PRDM7: variants seen among roughly 807,000 people sequenced by gnomAD.
PRDM7 encodes histone-lysine N-methyltransferase PRDM7.
PRDM7 carries 52 observed loss-of-function variants against 64.3 expected under a neutral mutation model. The ratio of observed to expected loss-of-function variants is 0.81; its 90% CI spans 0.65 to 1.02. The LOEUF (loss-of-function observed/expected upper bound fraction) is 1.02. Among genes scored for constraint, PRDM7 ranks in the 50% least tolerant of loss-of-function variants. PRDM7 has a pLI of 0.00. For missense variants in PRDM7, 574 were observed against 597.1 expected (o/e 0.96, Z 0.40); for synonymous variants, 192 against 210.1 (o/e 0.91, Z 0.74).
At chr16:90,076,549 T>C (rs2038038565) in intron 1 of PRDM7, among the ~76,000 whole-genome samples, 1 of 152,030 alleles carries the variant, frequency 6.6e-6, no homozygotes, top group Non-Finnish European at 1.5e-5. Context: ...TGTCTTAGAC[T>C]GAAGAAATTG....
chr16:90,068,894 T>C (rs1370264364), intron 4 of PRDM7, among the ~76,000 whole-genome samples: 2 of 151,248 alleles, frequency 1.3e-5, no homozygotes, highest in African/African-American at 4.9e-5. Flanking sequence ...CATCCTGTGT[T>C]CGTGGATTTG....
intron 5 of PRDM7, among the ~76,000 whole-genome samples, chr16:90,064,209 A>T (rs2037832601): frequency 6.6e-6 from 1 of 152,238 alleles, no homozygotes; most frequent in South Asian, 2.1e-4. Flanking sequence ...GAACAAAGAG[A>T]TGATTGGCAA....
chr16:90,058,384 G>A lies in PRDM7; in HGVS notation c.1384C>T (p.Gln462Ter), dbSNP rs1405998078. 3 of 1,614,054 alleles carry A rather than the reference G, an allele frequency of 1.9e-6. No homozygotes were observed. The highest frequency in any genetic ancestry group is 2.2e-5 in the South Asian group (2 of 91,088). The change falls in exon 11 of 11, where the codon CAG (glutamine) becomes TAG (stop). Residue 462 changes from glutamine (Q) to a stop codon, truncating the protein, a stop_gained. Coordinates refer to ENST00000449207, the MANE Select transcript of PRDM7 (RefSeq NM_001098173.2). LOFTEE classifies it high-confidence loss of function. Reference protein sequence around the residue: ...ENFSNQRIPAQGIRIRSGNIL... With the variant: ...ENFSNQRIPA The stretch of plus-strand genomic sequence containing the variant: ...TTGCCGCTCCTGATTCTGATCCCCT[G>A]GGCAGGGATTCTCTGGTTGGAGAAG...
intron 9 of PRDM7, among the ~76,000 whole-genome samples, chr16:90,061,019 A>C (rs1299232505): frequency 6.6e-6 from 1 of 152,188 alleles, no homozygotes; most frequent in Non-Finnish European, 1.5e-5. Context: ...TCTTGGCCCA[A>C]TAACATAGAA....
rs899744489 is a variant in PRDM7, at chr16:90,058,031, T to TC, written c.*257dup. ...CCACACTCTCTGCAGACGTAGGGCTTCCCCCCTGTGTGTGTCCTTTGGTGT... is the reference window on the plus strand; with the variant it reads ...CCACACTCTCTGCAGACGTAGGGCTTCCCCCCCTGTGTGTGTCCTTTGGTGT... On this transcript the variant is annotated 3_prime_UTR_variant, in exon 11 of 11. Coordinates refer to ENST00000449207, the MANE Select transcript of PRDM7 (RefSeq NM_001098173.2). 3 of 1,610,772 alleles carry TC rather than the reference T, an allele frequency of 1.9e-6. No individual in the cohort carries two copies. Among genetic ancestry groups the TC allele is most frequent in the African/African-American group, 2.7e-5 (2 of 74,810 alleles).
At chr16:90,066,168 G>C (rs2037869607) in intron 5 of PRDM7, among the ~76,000 whole-genome samples, 1 of 151,302 alleles carries the variant, frequency 6.6e-6, no homozygotes, top group Non-Finnish European at 1.5e-5. Context: ...CTTATTTGTT[G>C]TTTCTCAATC....
intron 4 of PRDM7, among the ~76,000 whole-genome samples, chr16:90,074,525 G>A (rs1240566765): frequency 6.6e-6 from 1 of 151,012 alleles, no homozygotes; most frequent in Non-Finnish European, 1.5e-5. Context: ...GCAGTGAGCC[G>A]AGATTCTACC....
chr16:90,057,914 A>G lies in PRDM7; in HGVS notation c.*375T>C. 2.5e-6 allele frequency: 4 copies of G among 1,572,080 alleles called. No homozygotes were observed. The South Asian group carries it at 4.4e-5, about 17-fold the overall frequency. ...AATGAGGAGGACTGACTTCCGGCTA[A>G]AGCCCCGCTCACACTCTCTGCAGAC... On this transcript the variant is annotated 3_prime_UTR_variant, in exon 11 of 11. Transcript: ENST00000449207.
Position 90,066,396 on chromosome 16 carries a change from G to C in PRDM7, c.351+465C>G, listed in dbSNP as rs1162392209. On this transcript the variant is annotated intron_variant, in intron 5 of 10. Coordinates refer to ENST00000449207, the MANE Select transcript of PRDM7 (RefSeq NM_001098173.2). Reference sequence around the variant, plus strand: ...AAATCAATTGGACGAATGATGTAAAGACATATGGGTAAGACAGCATAAACT... The same window carrying C: ...AAATCAATTGGACGAATGATGTAAACACATATGGGTAAGACAGCATAAACT... Among the ~76,000 whole-genome samples, 14 of 151,248 alleles carry C rather than the reference G, an allele frequency of 9.3e-5. 2 individuals carry two copies. The highest frequency in any genetic ancestry group is 3.4e-4 in the African/African-American group (14 of 40,666).
At chr16:90,064,871 A>G (rs1410029780) in intron 5 of PRDM7, among the ~76,000 whole-genome samples, 1 of 150,200 alleles carries the variant, frequency 6.7e-6, no homozygotes, top group Non-Finnish European at 1.5e-5. Context: ...GGTGTCCACC[A>G]CCATGCCCAG....
At chr16:90,068,014 G>C (rs2037903321) in intron 4 of PRDM7, among the ~76,000 whole-genome samples, 1 of 151,346 alleles carries the variant, frequency 6.6e-6, no homozygotes, top group East Asian at 1.9e-4. Context: ...GTAAGTCGTA[G>C]CCTGAGCAAT....
At position 90,075,782 on chromosome 16, in the gene PRDM7, T is replaced by C; in HGVS notation, c.69+60A>G. ...CACCCAAGGGTACAGGCCAGGAGTC[T>C]GCAGCACTCCAGAGATCAGCTCCTG... On this transcript the variant is annotated intron_variant, in intron 2 of 10. Coordinates refer to ENST00000449207, the MANE Select transcript of PRDM7 (RefSeq NM_001098173.2). The surrounding 1 kb of genome is among the most constrained non-coding windows in gnomAD (Gnocchi z 4.3). The C allele has an allele frequency of 6.3e-7, 1 of 1,574,930 alleles. No individual in the cohort carries two copies. Among genetic ancestry groups the C allele is most frequent in the Non-Finnish European group, 8.7e-7 (1 of 1,150,952 alleles).
chr16:90,072,426 C>T (rs1462461540), intron 4 of PRDM7, among the ~76,000 whole-genome samples: 3 of 152,132 alleles, frequency 2.0e-5, no homozygotes, highest in East Asian at 1.9e-4. Context: ...TTGTCACATG[C>T]TGTGACATGG....
Position 90,077,319 on chromosome 16 carries a change from C to CA in PRDM7, c.-180_-179insT, listed in dbSNP as rs2038051502. ...TGTTCACCCTGGCCGGGCGTCTTCT[C>CA]GGAGCCGCTCAGGAGGTGAGACGCG... On this transcript the variant is annotated 5_prime_UTR_variant, in exon 1 of 11. Transcript: ENST00000449207. 6.6e-6 allele frequency: 1 copy of CA among 152,242 alleles called. No homozygotes were observed. Among genetic ancestry groups the CA allele is most frequent in the East Asian group, 1.9e-4 (1 of 5,176 alleles). 9.4% of individuals were successfully genotyped at this position (152,242 alleles called of 1,614,324 possible). A position where few individuals can be genotyped will look rare whatever the true frequency, so the allele number is the denominator to read the frequency against.
intron 8 of PRDM7, 49 bp downstream of exon 8, chr16:90,061,872 A>C (rs770669439): frequency 6.2e-7 from 1 of 1,611,018 alleles, no homozygotes; most frequent in African/African-American, 1.3e-5. Context: ...TCAAAGGCAC[A>C]GAAGGGATGT....
chr16:90,076,624 G>A (rs1373442555), intron 1 of PRDM7, among the ~76,000 whole-genome samples: 1 of 152,062 alleles, frequency 6.6e-6, no homozygotes, highest in African/African-American at 2.4e-5. Flanking sequence ...CCCTCAGGCT[G>A]ATAGTATTTG....
In PRDM7 at chr16:90,067,589, C is replaced by CTTTT. The variant is rs1220091658; in HGVS notation, c.302-683_302-680dup. Among the ~76,000 whole-genome samples, 20 of 126,544 alleles carry CTTTT rather than the reference C, an allele frequency of 1.6e-4. 1 individual carries two copies. Among genetic ancestry groups the CTTTT allele is most frequent in the Non-Finnish European group, 3.0e-4 (18 of 60,884 alleles). 83.0% of individuals were successfully genotyped at this position (126,544 alleles called of 152,430 possible). Reference sequence around the variant, plus strand: ...GTAAAAAGGTCATATAAGAAAAGCCCTTTTTTTTTTTTTTTTTTTGAGATG... The same window carrying CTTTT: ...GTAAAAAGGTCATATAAGAAAAGCCCTTTTTTTTTTTTTTTTTTTTTTTGAGATG... On this transcript the variant is annotated intron_variant, in intron 4 of 10. Coordinates refer to ENST00000449207, the MANE Select transcript of PRDM7 (RefSeq NM_001098173.2).
At position 90,075,620 on chromosome 16, in the gene PRDM7, C is replaced by A; in HGVS notation, c.70-146G>T. Reference sequence around the variant, plus strand: ...CCTTCCCTCCTTCTCCAGATTGTGTCCTGTTTAACTGAGCAGACACTGAGC... The same window carrying A: ...CCTTCCCTCCTTCTCCAGATTGTGTACTGTTTAACTGAGCAGACACTGAGC... On this transcript the variant is annotated intron_variant, in intron 2 of 10. Coordinates refer to ENST00000449207, the MANE Select transcript of PRDM7 (RefSeq NM_001098173.2). This position sits in a 1 kb window ranked among gnomAD's most constrained non-coding sequence, Gnocchi z 4.3. The A allele has an allele frequency of 6.9e-7, 1 of 1,450,190 alleles. No individual in the cohort carries two copies. Among genetic ancestry groups the A allele is most frequent in the Non-Finnish European group, 9.6e-7 (1 of 1,037,556 alleles). The allele number at this position is 1,450,190 out of a possible 1,614,324, so 89.8% of individuals were successfully genotyped here. A position where few individuals can be genotyped will look rare whatever the true frequency, so the allele number is the denominator to read the frequency against.
At chr16:90,066,807 G>GT in intron 5 of PRDM7, 54 bp downstream of exon 5, 1 of 1,451,912 alleles carries the variant, frequency 6.9e-7, no homozygotes, top group Admixed American at 1.7e-5. Context: ...TCTCTTACCT[G>GT]TATTTGGATC....
Sources: gnomAD v4.1 joint callset for allele counts (sites outside exome capture counted in the v4.1 genomes callset) on GRCh38, gnomAD v4.1.1 for gene constraint, Gnocchi (gnomAD v3.1) non-coding constraint, MANE v1.5 for transcripts, NCBI Gene and HGNC (gene_info 2026-07-23, HGNC 2026-07-21) for gene names.